GALNT14: variants seen among roughly 807,000 people sequenced by gnomAD.
The protein encoded by GALNT14 is polypeptide N-acetylgalactosaminyltransferase 14, also known as UDP-GalNAc:polypeptide N-acetylgalactosaminyltransferase 14.
Under a neutral mutation model 77.5 loss-of-function variants are expected in GALNT14, and 60 were observed. That is an observed-to-expected ratio of 0.77 (90% CI 0.63 to 0.96). The LOEUF (loss-of-function observed/expected upper bound fraction) is 0.96, where lower values mean the gene tolerates loss of function less well. Ranked by LOEUF, GALNT14 falls within the 40% of genes least tolerant of loss-of-function variation. GALNT14 has a pLI of 0.00. For missense variants in GALNT14, 710 were observed against 731.0 expected (o/e 0.97, Z 0.33); for synonymous variants, 280 against 281.7 (o/e 0.99, Z 0.06).
At chr2:30,947,044 C>T (rs1380465594) in intron 6 of GALNT14, among the ~76,000 whole-genome samples, 1 of 152,190 alleles carries the variant, frequency 6.6e-6, no homozygotes, top group Admixed American at 6.5e-5. Context: ...AGAAGCTTCA[C>T]CCAGCCCATC....
intron 1 of GALNT14, among the ~76,000 whole-genome samples, chr2:31,060,319 A>G (rs1014748238): frequency 1.6e-4 from 24 of 152,182 alleles, no homozygotes; most frequent in Admixed American, 1.4e-3. Flanking sequence ...AAAAATCCAC[A>G]TAAGATCCCT....
chr2:30,956,148 C>G (rs770133849), intron 4 of GALNT14, among the ~76,000 whole-genome samples, 171 bp from the exon 5 acceptor site: 2 of 152,144 alleles, frequency 1.3e-5, no homozygotes, highest in African/African-American at 4.8e-5. Context: ...GAGAGGCTGA[C>G]AGATCACTGC....
At chr2:30,944,752 C>T (rs1341094879) in intron 8 of GALNT14, 106 bp downstream of exon 8, 1 of 901,418 alleles carries the variant, frequency 1.1e-6, no homozygotes, top group Non-Finnish European at 1.6e-6. Flanking sequence ...AAAGGGCTCC[C>T]TTTGTCTGCT....
rs755284672 is a variant in GALNT14 at position 30,924,166 on chromosome 2, T to C, written c.1333A>G (p.Lys445Glu). The change falls in exon 13 of 15, where the codon AAG becomes GAG. Residue 445 changes from lysine to glutamate, a missense_variant. By Grantham distance (56) the Lys-to-Glu change is moderately conservative. Transcript: ENST00000349752. ...RQNNQETPNL[K>E]LSPCAKVKGE... ...TTGACCTTGGCACAGGGGCTCAACT[T>C]TAGGTTTGGGGTTTCTTGGTTGTTC... 22 of 1,614,136 alleles carry C rather than the reference T, an allele frequency of 1.4e-5. No individual in the cohort carries two copies. Among genetic ancestry groups the C allele is most frequent in the Non-Finnish European group, 1.9e-5 (22 of 1,180,012 alleles).
chr2:31,083,094 G>C (rs1173142930), intron 1 of GALNT14, among the ~76,000 whole-genome samples: 3 of 152,200 alleles, frequency 2.0e-5, no homozygotes, highest in Non-Finnish European at 4.4e-5. Context: ...AGGGTATTCA[G>C]TGGTCCAGTT....
intron 1 of GALNT14, among the ~76,000 whole-genome samples, chr2:30,999,774 C>T (rs908250936): frequency 2.0e-5 from 3 of 152,206 alleles, no homozygotes; most frequent in Non-Finnish European, 4.4e-5. Context: ...CTCTTCTCCT[C>T]ACCCACCAGA....
chr2:31,074,273 C>T (rs1275205396), intron 1 of GALNT14, among the ~76,000 whole-genome samples: 4 of 152,156 alleles, frequency 2.6e-5, no homozygotes, highest in African/African-American at 2.4e-5. Flanking sequence ...GGAGAAGTCA[C>T]TTGACATCCC....
In GALNT14 at chr2:30,992,932, C is replaced by T. The variant is rs142294042; in HGVS notation, c.205G>A (p.Val69Ile). 2,388 of 1,614,192 alleles carry T rather than the reference C, an allele frequency of 1.5e-3. 28 individuals are homozygous for T. The African/African-American group carries it at 0.02, about 14-fold the overall frequency. ...RRYLNAKKWR[V>I]GDDPYKLYAF... is the part of the protein sequence containing the mutation. ...TACAGCTTATAGGGGTCGTCACCAA[C>T]GCGCCACTTTTTGGCATTCAGATAC... The change falls in exon 2 of 15, where the codon GTT (valine) becomes ATT (isoleucine). Residue 69 changes from valine (V) to isoleucine (I), a missense_variant. Val to Ile is a conservative substitution (Grantham distance 29). Coordinates refer to ENST00000349752, the MANE Select transcript of GALNT14 (RefSeq NM_024572.4).
chr2:31,026,769 C>A (rs1260168218), intron 1 of GALNT14, among the ~76,000 whole-genome samples: 1 of 152,186 alleles, frequency 6.6e-6, no homozygotes, highest in Non-Finnish European at 1.5e-5. Context: ...TTCTCCCATG[C>A]CATCATGGCA....
the GALNT14 span, among the ~76,000 whole-genome samples, chr2:30,898,465 T>C: frequency 1.3e-5 from 2 of 152,196 alleles, no homozygotes; most frequent in African/African-American, 4.8e-5. Flanking sequence ...GAGAACCTCA[T>C]GAATCATTTC....
At chr2:30,992,426 C>T (rs942377244) in intron 2 of GALNT14, among the ~76,000 whole-genome samples, 5 of 152,122 alleles carry the variant, frequency 3.3e-5, no homozygotes, top group South Asian at 2.1e-4. Context: ...CAGAAAACAC[C>T]GCCCACCTAC....
intron 1 of GALNT14, among the ~76,000 whole-genome samples, chr2:31,107,744 A>G (rs773662183): frequency 1.3e-5 from 2 of 152,202 alleles, no homozygotes; most frequent in Non-Finnish European, 2.9e-5. Context: ...AAAGAACAGT[A>G]GGGAAGGCAC....
chr2:31,112,575 C>T (rs79550859), intron 1 of GALNT14, among the ~76,000 whole-genome samples: 2,960 of 152,320 alleles, frequency 0.019, 79 homozygotes, highest in African/African-American at 0.067. Context: ...AAAAGGCCAA[C>T]ATCCATGACC....
chr2:31,137,535 G>A (rs1679278175), intron 1 of GALNT14, among the ~76,000 whole-genome samples: 1 of 152,076 alleles, frequency 6.6e-6, no homozygotes, highest in African/African-American at 2.4e-5. Flanking sequence ...CCCAGGTCGG[G>A]CCTGGCAGCT....
intron 1 of GALNT14, among the ~76,000 whole-genome samples, chr2:30,993,712 T>C (rs1669852355): frequency 6.6e-6 from 1 of 152,238 alleles, no homozygotes; most frequent in Admixed American, 6.5e-5. Flanking sequence ...GTATTCATGA[T>C]CTCATTTCAT....
chr2:31,055,641 C>T (rs1294629714), intron 1 of GALNT14, among the ~76,000 whole-genome samples: 1 of 152,168 alleles, frequency 6.6e-6, no homozygotes, highest in East Asian at 1.9e-4. Context: ...TTTGAGCAGG[C>T]TCACTGAAAG....
intron 1 of GALNT14, among the ~76,000 whole-genome samples, chr2:31,084,408 C>T (rs191806459): frequency 8.5e-5 from 13 of 152,338 alleles, no homozygotes; most frequent in Non-Finnish European, 1.3e-4. Flanking sequence ...AACAAAGAAT[C>T]TCAGGGCCAG....
intron 13 of GALNT14, among the ~76,000 whole-genome samples, chr2:30,916,050 A>T (rs1052420723): frequency 6.6e-6 from 1 of 152,168 alleles, no homozygotes; most frequent in Non-Finnish European, 1.5e-5. Context: ...GAACTCCCCA[A>T]ACCTCCATGA....
At chr2:31,038,266 G>T (rs1007062186) in intron 1 of GALNT14, among the ~76,000 whole-genome samples, 1 of 150,716 alleles carries the variant, frequency 6.6e-6, no homozygotes, top group Non-Finnish European at 1.5e-5. Context: ...GCTAATTTTT[G>T]TATTTTTAGT....
Sources: gnomAD v4.1 joint callset for allele counts (sites outside exome capture counted in the v4.1 genomes callset) on GRCh38, gnomAD v4.1.1 for gene constraint, MANE v1.5 for transcripts, NCBI Gene and HGNC (gene_info 2026-07-23, HGNC 2026-07-21) for gene names.